The following LDAH variants were observed in gnomAD, a reference collection of about 807,000 sequenced individuals.
LDAH encodes lipid droplet associated hydrolase, also known as lipid droplet-associated hydrolase.
In LDAH, 26 loss-of-function variants were observed where a neutral mutation model predicts 29.6. The ratio of observed to expected loss-of-function variants is 0.88; its 90% CI spans 0.64 to 1.22. The LOEUF (loss-of-function observed/expected upper bound fraction) is 1.22. Among genes scored for constraint, LDAH ranks in the 50% most tolerant of loss-of-function variants. LDAH has a pLI of 0.00. For missense variants in LDAH, 344 were observed against 387.3 expected (o/e 0.89, Z 0.94); for synonymous variants, 117 against 133.0 (o/e 0.88, Z 0.83).
Position 20,808,295 on chromosome 2 carries a change from C to T in LDAH, c.-2-6830G>A, listed in dbSNP as rs1672216906. Among the ~76,000 whole-genome samples the T allele has an allele frequency of 1.3e-5, 2 of 152,192 alleles. 1 individual carries two copies. The highest frequency in any genetic ancestry group is 4.1e-4 in the South Asian group (2 of 4,832). On this transcript the variant is annotated intron_variant, in intron 1 of 6. Coordinates refer to ENST00000237822, the MANE Select transcript of LDAH (RefSeq NM_021925.4). ...AATTCCAATCCAAATCAGGTCTTTT[C>T]CCTTTCCTTTTTTTAAAAATGGAAA... is the stretch of plus-strand genomic sequence containing the variant.
At chr2:20,758,405 T>C (rs745444627) in intron 4 of LDAH, among the ~76,000 whole-genome samples, 1 of 152,190 alleles carries the variant, frequency 6.6e-6, no homozygotes, top group Non-Finnish European at 1.5e-5. Context: ...AAATTGAGGA[T>C]GTAACAGATG....
chr2:20,811,019 CTTT>C (rs1205753675), intron 1 of LDAH, among the ~76,000 whole-genome samples: 4 of 138,866 alleles, frequency 2.9e-5, no homozygotes, highest in African/African-American at 2.7e-5. Flanking sequence ...ATTCGACCTT[CTTT>C]TTTTTTTTTT....
intron 5 of LDAH, among the ~76,000 whole-genome samples, chr2:20,717,837 A>C (rs1665334162): frequency 6.6e-6 from 1 of 152,096 alleles, no homozygotes. Context: ...CCTAAGCTGG[A>C]GTGCAGTGGT....
intron 6 of LDAH, among the ~76,000 whole-genome samples, chr2:20,693,789 C>A (rs772376352): frequency 4.7e-4 from 72 of 152,338 alleles, no homozygotes; most frequent in South Asian, 1.2e-3. Context: ...GAAGGTAATG[C>A]CCACCGCTTT....
intron 1 of LDAH, among the ~76,000 whole-genome samples, chr2:20,820,088 C>G (rs948278258): frequency 1.3e-5 from 2 of 151,304 alleles, no homozygotes; most frequent in South Asian, 2.1e-4. Context: ...AGGAGAACTA[C>G]AAACCACTGC....
At chr2:20,792,716 T>C (rs1671056891) in intron 2 of LDAH, among the ~76,000 whole-genome samples, 1 of 152,180 alleles carries the variant, frequency 6.6e-6, no homozygotes, top group Non-Finnish European at 1.5e-5. Flanking sequence ...AAGGAGACAC[T>C]AAAGATAACC....
intron 6 of LDAH, among the ~76,000 whole-genome samples, chr2:20,690,709 G>C (rs955703880): frequency 1.3e-5 from 2 of 152,234 alleles, no homozygotes; most frequent in Admixed American, 1.3e-4. Context: ...TGGGGGAGGA[G>C]GGGTGAAGTA....
intron 5 of LDAH, among the ~76,000 whole-genome samples, chr2:20,709,671 C>CAT (rs1225618093): frequency 6.6e-6 from 1 of 152,070 alleles, no homozygotes; most frequent in African/African-American, 2.4e-5. Context: ...GAATTAGAAA[C>CAT]ATAAGTCCAC....
intron 5 of LDAH, among the ~76,000 whole-genome samples, chr2:20,733,277 C>CTGGA (rs1191088241): frequency 6.6e-6 from 1 of 151,958 alleles, no homozygotes; most frequent in Non-Finnish European, 1.5e-5. Flanking sequence ...GTCACCCAGG[C>CTGGA]TGGAGTTCAG....
intron 1 of LDAH, among the ~76,000 whole-genome samples, chr2:20,806,825 A>G (rs181403004): frequency 6.6e-6 from 1 of 152,058 alleles, no homozygotes; most frequent in East Asian, 1.9e-4. Context: ...TGAAATGCAT[A>G]TATTAGAAAA....
At chr2:20,750,305 C>T (rs761733059) in intron 4 of LDAH, among the ~76,000 whole-genome samples, 16 of 152,256 alleles carry the variant, frequency 1.1e-4, no homozygotes, top group Middle Eastern at 6.8e-3. Context: ...GGATTACAGG[C>T]GTGAGCCACT....
chr2:20,684,837 A>G lies in LDAH; in HGVS notation c.*2066T>C. ...ATACAGGCAGAGCTGCTTCTGGAAA[A>G]TGGATTTCTTCCACTGTTTGTCCAT... On this transcript the variant is annotated 3_prime_UTR_variant, in exon 7 of 7. Transcript: ENST00000237822. 6.5e-7 allele frequency: 1 copy of G among 1,534,710 alleles called. No individual in the cohort carries two copies. The highest frequency in any genetic ancestry group is 8.8e-7 in the Non-Finnish European group (1 of 1,139,736).
intron 5 of LDAH, among the ~76,000 whole-genome samples, chr2:20,702,973 T>A (rs951420542): frequency 4.6e-5 from 7 of 152,176 alleles, no homozygotes; most frequent in African/African-American, 1.7e-4. Flanking sequence ...ATTACAGGCA[T>A]GCGCCACCAC....
At chr2:20,814,946 C>T (rs1458950972) in intron 1 of LDAH, among the ~76,000 whole-genome samples, 2 of 152,114 alleles carry the variant, frequency 1.3e-5, no homozygotes, top group African/African-American at 4.8e-5. Flanking sequence ...TATGTTCATG[C>T]TTCATCTGCT....
intron 1 of LDAH, among the ~76,000 whole-genome samples, chr2:20,818,403 T>C (rs532051195): frequency 3.3e-5 from 5 of 152,110 alleles, no homozygotes; most frequent in Non-Finnish European, 5.9e-5. Flanking sequence ...AACATACAGG[T>C]GAAAGTCAAC....
At chr2:20,773,924 C>G (rs140550230) in intron 4 of LDAH, among the ~76,000 whole-genome samples, 159 of 152,268 alleles carry the variant, frequency 1.0e-3, no homozygotes, top group African/African-American at 3.5e-3. Flanking sequence ...TCCCACACCC[C>G]CTGAACTGAA....
chr2:20,767,638 G>A (rs112215211), intron 4 of LDAH, among the ~76,000 whole-genome samples: 7,905 of 152,298 alleles, frequency 0.052, 651 homozygotes, highest in African/African-American at 0.17. Context: ...GATCTCCGGT[G>A]AGGCCCCACC....
intron 1 of LDAH, among the ~76,000 whole-genome samples, chr2:20,805,445 A>C (rs911276199): frequency 7.9e-5 from 12 of 152,178 alleles, no homozygotes; most frequent in Non-Finnish European, 1.6e-4. Flanking sequence ...CGAGAATTAA[A>C]ACTCTTCCCT....
At chr2:20,687,427 A>C (rs908302554) in intron 6 of LDAH, among the ~76,000 whole-genome samples, 1 of 152,264 alleles carries the variant, frequency 6.6e-6, no homozygotes, top group Non-Finnish European at 1.5e-5. Context: ...TGACGAAGAC[A>C]GTTATTGAGA....
Sources: gnomAD v4.1 joint callset for allele counts (sites outside exome capture counted in the v4.1 genomes callset) on GRCh38, gnomAD v4.1.1 for gene constraint, MANE v1.5 for transcripts, NCBI Gene and HGNC (gene_info 2026-07-23, HGNC 2026-07-21) for gene names.